The following CCDC201 variants were observed in gnomAD, a reference collection of about 807,000 sequenced individuals.
CCDC201 encodes coiled-coil domain-containing protein 201.
intron 2 of CCDC201, among the ~76,000 whole-genome samples, chr7:45,865,606 C>T (rs889277700): frequency 1.3e-5 from 2 of 152,150 alleles, no homozygotes; most frequent in Non-Finnish European, 2.9e-5. Context: ...TCAGACCTTC[C>T]CTGTCACCCC....
At chr7:45,883,230 G>A in the CCDC201 span, among the ~76,000 whole-genome samples, 1 of 152,116 alleles carries the variant, frequency 6.6e-6, no homozygotes, top group South Asian at 2.1e-4. Context: ...TGGACAGAAG[G>A]ACATCTATGT....
At chr7:45,861,605 T>C (rs1465240147) in exon 3 of CCDC201, 1 of 152,234 alleles carries the variant, frequency 6.6e-6, no homozygotes, top group East Asian at 1.9e-4. Context: ...TGATCAGGAA[T>C]ATTTTCCACC....
At chr7:45,861,336 C>G (rs1786597547) in exon 3 of CCDC201, 1 of 151,484 alleles carries the variant, frequency 6.6e-6, no homozygotes, top group Non-Finnish European at 1.5e-5. Context: ...ATTTTGTAAC[C>G]CAATAATATA....
At chr7:45,860,251 C>T (rs1178676265) in exon 3 of CCDC201, 1 of 152,120 alleles carries the variant, frequency 6.6e-6, no homozygotes, top group African/African-American at 2.4e-5. Flanking sequence ...TTACAAAATA[C>T]ATTGATCAGT....
intron 1 of CCDC201, among the ~76,000 whole-genome samples, chr7:45,868,579 A>G (rs1045667018): frequency 6.6e-6 from 1 of 151,818 alleles, no homozygotes; most frequent in African/African-American, 2.4e-5. Context: ...CTCATCCCCA[A>G]TGTGAGGCCT....
chr7:45,870,251 T>A (rs1170668514), intron 1 of CCDC201, among the ~76,000 whole-genome samples: 5 of 152,228 alleles, frequency 3.3e-5, no homozygotes, highest in Non-Finnish European at 5.9e-5. Context: ...TGCATTTCTG[T>A]AATGAGTAAA....
upstream of CCDC201, among the ~76,000 whole-genome samples, chr7:45,877,558 A>C (rs1358774420): frequency 6.6e-6 from 1 of 152,208 alleles, no homozygotes; most frequent in Non-Finnish European, 1.5e-5. Context: ...GCAGAAGGCA[A>C]AGGGGAAGCA....
intron 1 of CCDC201, among the ~76,000 whole-genome samples, chr7:45,869,920 C>A (rs955636488): frequency 6.6e-6 from 1 of 151,478 alleles, no homozygotes. Flanking sequence ...TGGATTCAAG[C>A]GATTCTCCTG....
At chr7:45,882,377 A>T in the CCDC201 span, among the ~76,000 whole-genome samples, 1 of 152,224 alleles carries the variant, frequency 6.6e-6, no homozygotes, top group Admixed American at 6.5e-5. Flanking sequence ...GCAATCCATC[A>T]TCCCCATCTT....
upstream of CCDC201, among the ~76,000 whole-genome samples, chr7:45,876,923 C>T (rs1786815223): frequency 1.3e-5 from 2 of 152,208 alleles, no homozygotes; most frequent in Non-Finnish European, 2.9e-5. Context: ...CAGATGCGAT[C>T]GAAGTCCAAG....
chr7:45,884,262 G>T, the CCDC201 span, among the ~76,000 whole-genome samples: 1 of 152,058 alleles, frequency 6.6e-6, no homozygotes, highest in Admixed American at 6.6e-5. Context: ...ACCATGCCTG[G>T]CTAATTATTT....
intron 2 of CCDC201, among the ~76,000 whole-genome samples, chr7:45,864,364 G>C (rs988983231): frequency 6.6e-6 from 1 of 152,174 alleles, no homozygotes; most frequent in Non-Finnish European, 1.5e-5. Context: ...GAGAGCTTCA[G>C]GTCCCTTCTC....
At chr7:45,876,414 T>C (rs1475965820), upstream of CCDC201, among the ~76,000 whole-genome samples, 1 of 152,214 alleles carries the variant, frequency 6.6e-6, no homozygotes, top group East Asian at 1.9e-4. Context: ...ATCAGGCTAC[T>C]TGCCCAAGAT....
At chr7:45,869,779 C>T (rs1786722528) in intron 1 of CCDC201, among the ~76,000 whole-genome samples, 1 of 151,818 alleles carries the variant, frequency 6.6e-6, no homozygotes, top group Non-Finnish European at 1.5e-5. Context: ...ATAGTACAGG[C>T]AAGCTGGAAA....
At chr7:45,863,852 G>C (rs1180151937) in intron 2 of CCDC201, among the ~76,000 whole-genome samples, 1 of 152,126 alleles carries the variant, frequency 6.6e-6, no homozygotes, top group Non-Finnish European at 1.5e-5. Context: ...AATAAGGAAC[G>C]AGAGTGGCCT....
the CCDC201 span, among the ~76,000 whole-genome samples, chr7:45,878,097 T>C: frequency 3.3e-5 from 5 of 152,220 alleles, no homozygotes; most frequent in Admixed American, 1.3e-4. Flanking sequence ...ACAATCTCCT[T>C]TGACTTCACA....
At position 45,867,370 on chromosome 7, in the gene CCDC201, C is replaced by T. The variant is rs75103336; in HGVS notation, c.19-876G>A. 6.6e-3 allele frequency among the ~76,000 whole-genome samples: 1,008 copies of T among 152,248 alleles called. 10 individuals carry two copies. The highest frequency in any genetic ancestry group is 0.022 in the African/African-American group (934 of 41,554). On this transcript the variant is annotated intron_variant, in intron 1 of 2. Transcript: ENST00000636578. ...AATCCCACTTGAATGGAACAATTTC[C>T]GGCATTTATTTTTTGGTAGTAGGAG...
intron 2 of CCDC201, among the ~76,000 whole-genome samples, chr7:45,863,940 C>T (rs1249130371): frequency 6.6e-6 from 1 of 152,148 alleles, no homozygotes; most frequent in Non-Finnish European, 1.5e-5. Context: ...GGAGCAGAGA[C>T]AGAGTGGCCA....
intron 1 of CCDC201, among the ~76,000 whole-genome samples, chr7:45,872,549 G>A: frequency 6.6e-6 from 1 of 152,220 alleles, no homozygotes. Flanking sequence ...CAGGCCAGGG[G>A]AGGAGATGGA....
Sources: gnomAD v4.1 joint callset for allele counts (sites outside exome capture counted in the v4.1 genomes callset) on GRCh38, gnomAD v4.1.1 for gene constraint, MANE v1.5 for transcripts, NCBI Gene and HGNC (gene_info 2026-07-23, HGNC 2026-07-21) for gene names.